Variants in CNTN5 observed in about 807,000 individuals in gnomAD.
CNTN5 encodes contactin-5.
A neutral mutation model predicts 129.1 loss-of-function variants in CNTN5; 77 were observed. That is an observed-to-expected ratio of 0.60 (90% CI 0.50 to 0.72). CNTN5 has a LOEUF of 0.72. CNTN5 is among the 30% of genes least tolerant of loss of function. CNTN5 has a pLI of 0.00. For synonymous variants in CNTN5, 509 were observed against 465.6 expected, an observed-to-expected ratio of 1.09 and a Z score of -1.20; for missense variants, 1,478 against 1,328.8, an observed-to-expected ratio of 1.11 and a Z score of -1.75.
intron 16 of CNTN5, among the ~76,000 whole-genome samples, chr11:100,228,123 A>T (rs566351300): frequency 2.0e-5 from 3 of 152,352 alleles, no homozygotes; most frequent in African/African-American, 7.2e-5. Context: ...AGAAGAAGTG[A>T]TAAAAATTCA....
At chr11:99,802,813 C>G (rs533451099) in intron 3 of CNTN5, among the ~76,000 whole-genome samples, 2 of 152,216 alleles carry the variant, frequency 1.3e-5, no homozygotes, top group East Asian at 3.9e-4. Context: ...GAAGCTGTTC[C>G]AGGTGAGTAG....
At chr11:99,713,337 C>T (rs1042028055) in intron 3 of CNTN5, among the ~76,000 whole-genome samples, 1 of 151,968 alleles carries the variant, frequency 6.6e-6, no homozygotes. Flanking sequence ...GATTTTTGCA[C>T]ATTGACTTTG....
intron 3 of CNTN5, among the ~76,000 whole-genome samples, chr11:99,694,091 G>T (rs1200435218): frequency 6.6e-6 from 1 of 151,898 alleles, no homozygotes; most frequent in Non-Finnish European, 1.5e-5. Context: ...GATGTTGTTG[G>T]AATGTAAAAT....
intron 6 of CNTN5, among the ~76,000 whole-genome samples, chr11:99,914,570 C>T (rs770156106): frequency 4.6e-5 from 7 of 152,102 alleles, no homozygotes; most frequent in Non-Finnish European, 8.8e-5. Context: ...TTGATTTTTA[C>T]TGCTACTGAA....
chr11:99,901,370 C>T (rs1192672368), intron 6 of CNTN5, among the ~76,000 whole-genome samples: 5 of 151,948 alleles, frequency 3.3e-5, no homozygotes, highest in Non-Finnish European at 7.4e-5. Flanking sequence ...GGCTCACTGC[C>T]ACCTCTGCCT....
At position 100,277,646 on chromosome 11, in the gene CNTN5, C is replaced by T. The variant is rs913356187; in HGVS notation, c.2314+6405C>T. On this transcript the variant is annotated intron_variant, in intron 18 of 24. Transcript: ENST00000524871. Reference sequence around the variant, plus strand: ...GAGAAATGTCTTTTCAAATCTTTTGCCCATTTTATGAATTGGGTTTTTTTT... The same window carrying T: ...GAGAAATGTCTTTTCAAATCTTTTGTCCATTTTATGAATTGGGTTTTTTTT... 2.6e-5 allele frequency among the ~76,000 whole-genome samples: 4 copies of T among 152,024 alleles called. No individual in the cohort carries two copies. In the South Asian group the frequency reaches 8.3e-4, roughly 31 times the overall value.
intron 13 of CNTN5, among the ~76,000 whole-genome samples, chr11:100,179,645 A>ATAAT (rs1948076837): frequency 6.6e-6 from 1 of 152,086 alleles, no homozygotes; most frequent in Non-Finnish European, 1.5e-5. Context: ...ATAGTGTCTG[A>ATAAT]TAATAATGAA....
At chr11:99,823,062 C>T (rs1282470612) in intron 4 of CNTN5, among the ~76,000 whole-genome samples, 1 of 152,166 alleles carries the variant, frequency 6.6e-6, no homozygotes, top group Admixed American at 6.5e-5. Flanking sequence ...TGAGTAGTCA[C>T]GTGAGTGAGT....
At chr11:100,018,119 T>A (rs1940934368) in intron 9 of CNTN5, among the ~76,000 whole-genome samples, 1 of 152,040 alleles carries the variant, frequency 6.6e-6, no homozygotes, top group Non-Finnish European at 1.5e-5. Flanking sequence ...GCTAAAGTAT[T>A]TCTTCAGGCA....
chr11:99,548,712 G>C (rs1281250904), intron 2 of CNTN5, among the ~76,000 whole-genome samples: 2 of 152,050 alleles, frequency 1.3e-5, no homozygotes, highest in Non-Finnish European at 1.5e-5. Flanking sequence ...TCTCATTCTT[G>C]CTATCAGAAA....
chr11:99,147,536 A>C (rs1037628920), intron 1 of CNTN5, among the ~76,000 whole-genome samples: 9 of 152,298 alleles, frequency 5.9e-5, no homozygotes, highest in Admixed American at 4.6e-4. Context: ...CAATGGCATG[A>C]TTTTGTAATG....
chr11:99,548,256 A>C (rs1948365870), intron 2 of CNTN5, among the ~76,000 whole-genome samples: 1 of 152,182 alleles, frequency 6.6e-6, no homozygotes. Context: ...GGAATAGTAC[A>C]TTGCTAAAAA....
At chr11:100,313,049 A>G (rs927038283) in intron 21 of CNTN5, among the ~76,000 whole-genome samples, 1 of 152,048 alleles carries the variant, frequency 6.6e-6, no homozygotes, top group African/African-American at 2.4e-5. Flanking sequence ...AAATAGTTTG[A>G]GGGTTGGGTA....
intron 3 of CNTN5, among the ~76,000 whole-genome samples, chr11:99,719,366 G>C (rs1943090698): frequency 6.6e-6 from 1 of 151,910 alleles, no homozygotes; most frequent in Admixed American, 6.6e-5. Flanking sequence ...TCTTATTTAA[G>C]AAGGCCACTC....
In CNTN5 at chr11:99,159,478, C is replaced by A. The variant is rs571154588; in HGVS notation, c.-210+138208C>A. 2.0e-5 allele frequency among the ~76,000 whole-genome samples: 3 copies of A among 151,988 alleles called. No homozygotes were observed. The East Asian group carries it at 5.8e-4, about 29-fold the overall frequency. On this transcript the variant is annotated intron_variant, in intron 1 of 24. Coordinates refer to ENST00000524871, the MANE Select transcript of CNTN5 (RefSeq NM_014361.4). ...TCTACTAAAAATACAAAAAAGTAGC[C>A]GGGCATAGTGGCGGGCGCCTGTAGT...
At chr11:100,067,571 C>T (rs542295508) in intron 10 of CNTN5, among the ~76,000 whole-genome samples, 3 of 151,782 alleles carry the variant, frequency 2.0e-5, no homozygotes, top group Non-Finnish European at 2.9e-5. Context: ...AAGATTCACA[C>T]ACAAGGTACA....
chr11:100,063,706 T>TAAAAAAAAAAAAAAAAA (rs35896237), intron 10 of CNTN5, among the ~76,000 whole-genome samples: 186 of 115,200 alleles, frequency 1.6e-3, no homozygotes, highest in East Asian at 3.9e-3. Flanking sequence ...AACCTGTCTC[T>TAAAAAAAAAAAAAAAAA]AAAAAAAAAA....
At chr11:99,950,901 A>G (rs1950658524) in intron 7 of CNTN5, among the ~76,000 whole-genome samples, 1 of 152,066 alleles carries the variant, frequency 6.6e-6, no homozygotes, top group African/African-American at 2.4e-5. Flanking sequence ...AGAAGTTTTA[A>G]TTTTCCCTCT....
At chr11:99,735,951 G>A (rs1309752580) in intron 3 of CNTN5, among the ~76,000 whole-genome samples, 1 of 152,084 alleles carries the variant, frequency 6.6e-6, no homozygotes, top group African/African-American at 2.4e-5. Flanking sequence ...CCCAGCCCCT[G>A]ACAACCACCG....
Sources: gnomAD v4.1 joint callset for allele counts (sites outside exome capture counted in the v4.1 genomes callset) on GRCh38, gnomAD v4.1.1 for gene constraint, MANE v1.5 for transcripts, NCBI Gene and HGNC (gene_info 2026-07-23, HGNC 2026-07-21) for gene names.